Variants in PTPRD observed in about 807,000 individuals in gnomAD.
The protein encoded by PTPRD is receptor-type tyrosine-protein phosphatase delta.
PTPRD carries 34 observed loss-of-function variants against 214.5 expected under a neutral mutation model. That is an observed-to-expected ratio of 0.16 (90% CI 0.12 to 0.21). The LOEUF (loss-of-function observed/expected upper bound fraction) is 0.21. PTPRD is among the 10% of genes least tolerant of loss of function. The probability of loss-of-function intolerance (pLI) is 1.00; values close to 1 mark genes in which losing one functional copy is unlikely to be tolerated. For missense variants in PTPRD, 2,545 were observed against 2,398.7 expected, an observed-to-expected ratio of 1.06 and a Z score of -1.27; for synonymous variants, 1,128 against 845.7, an observed-to-expected ratio of 1.33 and a Z score of -5.79.
chr9:9,951,486 G>A (rs2093449114), intron 4 of PTPRD, among the ~76,000 whole-genome samples: 1 of 152,168 alleles, frequency 6.6e-6, no homozygotes, highest in Admixed American at 6.5e-5. Context: ...GGACACTTGA[G>A]CGGATAAGCA....
intron 9 of PTPRD, among the ~76,000 whole-genome samples, chr9:9,391,943 C>G (rs979958752): frequency 2.0e-5 from 3 of 152,120 alleles, no homozygotes; most frequent in Non-Finnish European, 4.4e-5. Flanking sequence ...ATTGAGTTCA[C>G]TCAATTTTCC....
intron 3 of PTPRD, among the ~76,000 whole-genome samples, chr9:10,112,510 A>G (rs917474527): frequency 1.3e-5 from 2 of 152,018 alleles, no homozygotes; most frequent in Admixed American, 1.3e-4. Context: ...GCTTTCTATG[A>G]ATATCAAATT....
At chr9:10,375,497 T>A (rs2097711080) in intron 2 of PTPRD, among the ~76,000 whole-genome samples, 1 of 152,018 alleles carries the variant, frequency 6.6e-6, no homozygotes, top group South Asian at 2.1e-4. Context: ...GAAATGTATT[T>A]TTAAATATTC....
chr9:10,089,118 G>C (rs2098397971), intron 3 of PTPRD, among the ~76,000 whole-genome samples: 1 of 151,216 alleles, frequency 6.6e-6, no homozygotes, highest in Non-Finnish European at 1.5e-5. Flanking sequence ...GAGGTGGAAG[G>C]ATTGCTTAAG....
chr9:8,444,801 G>T (rs937050357), intron 34 of PTPRD, among the ~76,000 whole-genome samples: 1 of 152,122 alleles, frequency 6.6e-6, no homozygotes, highest in Non-Finnish European at 1.5e-5. Context: ...AAGTAATTTG[G>T]AAATTGTTTA....
intron 12 of PTPRD, among the ~76,000 whole-genome samples, chr9:8,653,500 T>C (rs532219691): frequency 2.9e-4 from 44 of 152,294 alleles, no homozygotes; most frequent in Non-Finnish European, 6.0e-4. Context: ...TCCTGAACCC[T>C]TTAGTATATT....
At chr9:9,664,088 T>TAAAA (rs71319290) in intron 7 of PTPRD, among the ~76,000 whole-genome samples, 1 of 114,536 alleles carries the variant, frequency 8.7e-6, no homozygotes, top group Non-Finnish European at 1.8e-5. Context: ...CACTCCTGTG[T>TAAAA]AAAAAAAAAA....
intron 3 of PTPRD, among the ~76,000 whole-genome samples, chr9:10,310,551 A>G (rs1221445267): frequency 6.6e-6 from 1 of 152,070 alleles, no homozygotes; most frequent in Non-Finnish European, 1.5e-5. Context: ...AAGAAAGGGA[A>G]GAAACATATT....
At chr9:8,526,036 T>C (rs2074020449) in intron 17 of PTPRD, among the ~76,000 whole-genome samples, 1 of 151,054 alleles carries the variant, frequency 6.6e-6, no homozygotes, top group African/African-American at 2.4e-5. Flanking sequence ...TGGGATCAGG[T>C]GGAAAGGGGA....
chr9:9,001,950 A>ATGCC (rs2099421671), intron 11 of PTPRD, among the ~76,000 whole-genome samples: 1 of 141,950 alleles, frequency 7.0e-6, no homozygotes, highest in East Asian at 2.2e-4. Context: ...AATATGCAAT[A>ATGCC]ATTGATTACT....
intron 7 of PTPRD, among the ~76,000 whole-genome samples, chr9:9,664,156 G>A (rs909499188): frequency 1.4e-5 from 2 of 147,702 alleles, no homozygotes; most frequent in Non-Finnish European, 1.5e-5. Flanking sequence ...CACGTAAAGA[G>A]TCCCTTACAC....
intron 14 of PTPRD, among the ~76,000 whole-genome samples, chr9:8,571,072 C>T (rs1007046417): frequency 1.3e-5 from 2 of 152,028 alleles, no homozygotes; most frequent in Non-Finnish European, 2.9e-5. Context: ...GGGCAAAGTA[C>T]TCCTGCTCAC....
intron 9 of PTPRD, among the ~76,000 whole-genome samples, chr9:9,220,484 T>C (rs1405076686): frequency 6.6e-5 from 10 of 152,162 alleles, no homozygotes; most frequent in African/African-American, 2.4e-4. Context: ...GCCTCCTTTG[T>C]GCATTGGGGA....
intron 3 of PTPRD, among the ~76,000 whole-genome samples, chr9:10,120,011 T>C (rs928218194): frequency 1.3e-5 from 2 of 152,074 alleles, no homozygotes; most frequent in African/African-American, 4.8e-5. Context: ...AATCTCAGGA[T>C]AGTGATAGAA....
chr9:10,538,092 T>C (rs2058256316), intron 2 of PTPRD, among the ~76,000 whole-genome samples: 1 of 151,986 alleles, frequency 6.6e-6, no homozygotes, highest in Non-Finnish European at 1.5e-5. Context: ...CTTAATCAAA[T>C]TGCTTAACTC....
intron 4 of PTPRD, among the ~76,000 whole-genome samples, chr9:9,963,010 A>G (rs1000034699): frequency 2.0e-5 from 3 of 152,044 alleles, no homozygotes; most frequent in Non-Finnish European, 4.4e-5. Context: ...TAGTTACACT[A>G]TATAAAGTAA....
At chr9:9,767,508 G>A (rs1354332560) in intron 5 of PTPRD, among the ~76,000 whole-genome samples, 1 of 151,984 alleles carries the variant, frequency 6.6e-6, no homozygotes, top group Admixed American at 6.6e-5. Context: ...ATCAGATGCA[G>A]TGTCACATTT....
intron 12 of PTPRD, among the ~76,000 whole-genome samples, chr9:8,646,013 A>G (rs1480356674): frequency 6.6e-6 from 1 of 151,508 alleles, no homozygotes; most frequent in Non-Finnish European, 1.5e-5. Context: ...AACAATGGCC[A>G]TGGTTCACTC....
intron 5 of PTPRD, among the ~76,000 whole-genome samples, chr9:9,916,976 A>C (rs1365582930): frequency 6.6e-6 from 1 of 151,924 alleles, no homozygotes; most frequent in Non-Finnish European, 1.5e-5. Flanking sequence ...GTGTAGGAAA[A>C]AGTTAAGAAT....
Sources: allele counts gnomAD v4.1 joint callset (sites outside exome capture counted in the v4.1 genomes callset), GRCh38; gene constraint gnomAD v4.1.1; transcripts MANE v1.5; gene names NCBI Gene and HGNC (gene_info 2026-07-23, HGNC 2026-07-21).